The following LRR1 variants were observed in gnomAD, a reference collection of about 807,000 sequenced individuals.
LRR1 encodes leucine rich repeat protein 1.
LRR1 carries 29 observed loss-of-function variants against 31.6 expected under a neutral mutation model. The ratio of observed to expected loss-of-function variants is 0.92; its 90% CI spans 0.68 to 1.25. The LOEUF (loss-of-function observed/expected upper bound fraction) is 1.25. Ranked by LOEUF, LRR1 falls within the 50% of genes most tolerant of loss-of-function variation. The pLI, the probability that LRR1 is intolerant of heterozygous loss-of-function variation, is 0.00. For missense variants in LRR1, 485 were observed against 487.2 expected, an observed-to-expected ratio of 1.00 and a Z score of 0.04; for synonymous variants, 179 against 181.4, an observed-to-expected ratio of 0.99 and a Z score of 0.10.
chr14:49,602,557 A>G (rs1882104253), intron 2 of LRR1, 89 bp downstream of exon 2: 5 of 1,090,428 alleles, frequency 4.6e-6, no homozygotes, highest in Non-Finnish European at 6.9e-6. Flanking sequence ...CCCAAGCTGA[A>G]GTACAGAGGC....
intron 1 of LRR1, chr14:49,600,027 T>A (rs1044243263): frequency 1.2e-6 from 2 of 1,609,150 alleles, no homozygotes; most frequent in South Asian, 2.2e-5. Context: ...GATGCTCAAG[T>A]GCGTGGTGGT....
chr14:49,602,676 T>G (rs970638699), intron 2 of LRR1, among the ~76,000 whole-genome samples: 2 of 152,104 alleles, frequency 1.3e-5, no homozygotes, highest in Non-Finnish European at 2.9e-5. Flanking sequence ...AATAACTTTT[T>G]GTAGAGACGG....
At chr14:49,609,116 A>G (rs1882410853) in intron 3 of LRR1, among the ~76,000 whole-genome samples, 1 of 143,900 alleles carries the variant, frequency 6.9e-6, no homozygotes, top group East Asian at 2.1e-4. Flanking sequence ...ACGGGGTTTC[A>G]CCGTGTTAGC....
rs188702261 is a variant in LRR1 at position 49,600,309 on chromosome 14, G to A, written c.183+1106G>A. On this transcript the variant is annotated intron_variant, in intron 1 of 3. Coordinates refer to ENST00000298288, the MANE Select transcript of LRR1 (RefSeq NM_152329.4). The stretch of plus-strand genomic sequence containing the variant: ...AAATGTGAGGGAGGAGTGGGTACCG[G>A]AACTTAAGGAATACGCACCAAATGT... 473 of 1,505,214 alleles carry A rather than the reference G, an allele frequency of 3.1e-4. 3 individuals carry two copies. In the African/African-American group the frequency reaches 6.0e-3, roughly 19 times the overall value. 93.2% of individuals were successfully genotyped at this position (1,505,214 alleles called of 1,614,324 possible).
At chr14:49,614,216 G>A (rs1446385123) in intron 3 of LRR1, 40 bp from the exon 4 acceptor site, 2 of 1,575,582 alleles carry the variant, frequency 1.3e-6, no homozygotes, top group South Asian at 2.3e-5. Context: ...CCTGAATCTA[G>A]TAACATGTTA....
At chr14:49,613,335 T>G (rs1412787459) in intron 3 of LRR1, among the ~76,000 whole-genome samples, 2 of 124,124 alleles carry the variant, frequency 1.6e-5, no homozygotes, top group Non-Finnish European at 3.3e-5. Context: ...CGAGACTCCA[T>G]CTCAAAAAAA....
chr14:49,610,588 T>C (rs1278192572), intron 3 of LRR1, among the ~76,000 whole-genome samples: 1 of 148,634 alleles, frequency 6.7e-6, no homozygotes, highest in Non-Finnish European at 1.5e-5. Context: ...TTTGAGACAG[T>C]CTCTTTCACT....
chr14:49,603,711 T>A, intron 2 of LRR1: 1 of 778,476 alleles, frequency 1.3e-6, no homozygotes, highest in East Asian at 1.5e-4. Flanking sequence ...TTTTTTTTAA[T>A]GAGACAGAGT....
intron 2 of LRR1, among the ~76,000 whole-genome samples, chr14:49,606,742 C>T (rs1403927102): frequency 6.7e-6 from 1 of 149,968 alleles, no homozygotes; most frequent in Non-Finnish European, 1.5e-5. Flanking sequence ...CTGCAACCTC[C>T]GCCTCCCGGG....
intron 3 of LRR1, chr14:49,612,592 G>A: frequency 8.7e-7 from 1 of 1,155,928 alleles, no homozygotes; most frequent in Non-Finnish European, 1.1e-6. Context: ...TTTAAAAATT[G>A]CAAATAGGGC....
Position 49,607,770 on chromosome 14 carries a change from C to G in LRR1, c.653C>G (p.Ala218Gly). 2 of 1,614,082 alleles carry G rather than the reference C, an allele frequency of 1.2e-6. No individual in the cohort carries two copies. Among genetic ancestry groups the G allele is most frequent in the Non-Finnish European group, 1.7e-6 (2 of 1,179,970 alleles). Residue 218 changes from alanine (A) to glycine (G), a missense_variant, in exon 3 of 4, where the codon GCC (alanine) becomes GGC (glycine). By Grantham distance (60) the Ala-to-Gly change is moderately conservative. Coordinates refer to ENST00000298288, the MANE Select transcript of LRR1 (RefSeq NM_152329.4). ...NDNHLESFSV[A>G]LCHSTLQKSL... ...AATCACTTGGAGTCATTTAGTGTAG[C>G]CTTGTGTCATTCTACACTCCAGAAG...
At chr14:49,601,167 A>T (rs1167127104) in intron 1 of LRR1, 2 of 1,588,116 alleles carry the variant, frequency 1.3e-6, no homozygotes, top group Non-Finnish European at 1.7e-6. Context: ...ATGTTTTATT[A>T]CTTGAGCACA....
intron 2 of LRR1, among the ~76,000 whole-genome samples, chr14:49,605,259 G>A (rs1037986966): frequency 1.3e-5 from 2 of 152,152 alleles, no homozygotes; most frequent in Non-Finnish European, 2.9e-5. Flanking sequence ...GATAACTAAG[G>A]AGTTTGGATT....
chr14:49,600,072 A>G (rs1881991422), intron 1 of LRR1: 1 of 1,603,472 alleles, frequency 6.2e-7, no homozygotes, highest in Non-Finnish European at 8.5e-7. Context: ...GTGCCTACTC[A>G]TGAGCTGTGC....
rs774468080 is a variant in LRR1, at chr14:49,607,412, A to G, written c.295A>G (p.Ser99Gly). 6.4e-7 allele frequency: 1 copy of G among 1,563,588 alleles called. No homozygotes were observed. Among genetic ancestry groups the G allele is most frequent in the African/African-American group, 1.4e-5 (1 of 72,360 alleles). The change falls in exon 3 of 4, where the codon AGT (serine) becomes GGT (glycine). Residue 99 changes from serine to glycine, a missense_variant. Physicochemically the swap from Ser to Gly is moderately conservative, Grantham distance 56. Transcript: ENST00000298288. ...TTTATTTATTCAGGCCATTTCCAGC[A>G]GTTTAAAAGGTTTCCTTTCAGCTAT... ...DICLSKAISS[S>G]LKGFLSAMRL...
rs114956337 is a variant in LRR1 at position 49,611,593 on chromosome 14, G to A, written c.1005-2663G>A. 9.7e-3 allele frequency among the ~76,000 whole-genome samples: 1,479 copies of A among 152,062 alleles called. 21 individuals carry two copies. The highest frequency in any genetic ancestry group is 0.034 in the African/African-American group (1,410 of 41,482). ...CTTTTGGCAGTGAGGTGCACCTGAG[G>A]CTATTGTTTCTCTAAGACATACATA... On this transcript the variant is annotated intron_variant, in intron 3 of 3. Coordinates refer to ENST00000298288, the MANE Select transcript of LRR1 (RefSeq NM_152329.4).
At chr14:49,601,471 T>C (rs1414381464) in intron 1 of LRR1, 1 of 560,182 alleles carries the variant, frequency 1.8e-6, no homozygotes, top group Non-Finnish European at 3.0e-6. Context: ...AAATTTTAAA[T>C]ATGCCATTTA....
At chr14:49,602,893 T>C (rs540049888) in intron 2 of LRR1, among the ~76,000 whole-genome samples, 2 of 152,232 alleles carry the variant, frequency 1.3e-5, no homozygotes, top group Admixed American at 1.3e-4. Context: ...TGGAGTGTAG[T>C]GGCACGATCT....
chr14:49,608,398 A>G (rs1220937365), intron 3 of LRR1, among the ~76,000 whole-genome samples: 1 of 32,368 alleles, frequency 3.1e-5, no homozygotes, highest in African/African-American at 1.2e-4. Context: ...CCCTCCTTAC[A>G]TTGCTTGATT....
Sources: allele counts gnomAD v4.1 joint callset (sites outside exome capture counted in the v4.1 genomes callset), GRCh38; gene constraint gnomAD v4.1.1; transcripts MANE v1.5; gene names NCBI Gene and HGNC (gene_info 2026-07-23, HGNC 2026-07-21).